Variants in CACNA2D3 observed in about 807,000 individuals in gnomAD.
CACNA2D3 encodes calcium voltage-gated channel auxiliary subunit alpha2delta 3.
Under a neutral mutation model 160.6 loss-of-function variants are expected in CACNA2D3, and 60 were observed. The ratio of observed to expected loss-of-function variants is 0.37; its 90% CI spans 0.30 to 0.46. CACNA2D3 has a LOEUF of 0.46. CACNA2D3 is among the 20% of genes least tolerant of loss of function. The probability of loss-of-function intolerance (pLI) is 1.00; values close to 1 mark genes in which losing one functional copy is unlikely to be tolerated. For missense variants in CACNA2D3, 1,205 were observed against 1,365.0 expected (o/e 0.88, Z 1.85); for synonymous variants, 558 against 492.9 (o/e 1.13, Z -1.75).
intron 35 of CACNA2D3, among the ~76,000 whole-genome samples, chr3:55,060,024 G>C (rs893140994): frequency 3.9e-5 from 6 of 151,982 alleles, no homozygotes; most frequent in African/African-American, 1.2e-4. Flanking sequence ...GGCAATATTT[G>C]GGTGCAAAAA....
At chr3:55,067,297 G>A (rs112348768) in intron 35 of CACNA2D3, among the ~76,000 whole-genome samples, 18 of 152,162 alleles carry the variant, frequency 1.2e-4, no homozygotes, top group African/African-American at 2.4e-4. Context: ...GTTCCAGCAC[G>A]AGACAGACAG....
chr3:54,838,750 G>T, intron 16 of CACNA2D3, 102 bp downstream of exon 16: 1 of 856,046 alleles, frequency 1.2e-6, no homozygotes. Flanking sequence ...CGATGTTTTT[G>T]CTCACCACTA....
chr3:54,508,653 C>T lies in CACNA2D3; in HGVS notation c.544+4999C>T, dbSNP rs1470779970. 3.9e-5 allele frequency among the ~76,000 whole-genome samples: 6 copies of T among 152,318 alleles called. No homozygotes were observed. In the East Asian group the frequency reaches 5.8e-4, roughly 15 times the overall value. ...TCAATTCCTCTTCTTCCCCCAGTAA[C>T]GGAGGACATCCGGGAGAGGTAGGCT... On this transcript the variant is annotated intron_variant, in intron 5 of 37. Transcript: ENST00000474759.
intron 9 of CACNA2D3, among the ~76,000 whole-genome samples, chr3:54,626,944 A>G (rs1385597743): frequency 1.3e-5 from 2 of 152,134 alleles, no homozygotes; most frequent in African/African-American, 4.8e-5. Context: ...ATCTCTAGCT[A>G]ATGCTGAGCT....
At chr3:54,909,643 A>ACT (rs1700516131) in intron 27 of CACNA2D3, among the ~76,000 whole-genome samples, 1 of 123,856 alleles carries the variant, frequency 8.1e-6, no homozygotes, top group African/African-American at 3.0e-5. Context: ...TTTTTTTGTG[A>ACT]TTTTTTTTTT....
In CACNA2D3 at chr3:54,609,728, T is replaced by G. The variant is rs1043176479; in HGVS notation, c.964-18059T>G. The stretch of plus-strand genomic sequence containing the variant: ...CTTCTCAGAGCTTTTAAAATGCTTG[T>G]GTATATTGTGACTCTCTCCAAGAGT... On this transcript the variant is annotated intron_variant, in intron 9 of 37. Coordinates refer to ENST00000474759, the MANE Select transcript of CACNA2D3 (RefSeq NM_018398.3). Among the ~76,000 whole-genome samples, 83 of 152,238 alleles carry G rather than the reference T, an allele frequency of 5.5e-4. 1 individual carries two copies. The highest frequency in any genetic ancestry group is 2.0e-3 in the African/African-American group (83 of 41,456).
rs374774595 is a variant in CACNA2D3 at position 54,772,176 on chromosome 3, C to A, written c.1380+7825C>A. 1.3e-4 allele frequency among the ~76,000 whole-genome samples: 19 copies of A among 148,132 alleles called. 1 individual carries two copies. The highest frequency in any genetic ancestry group is 4.5e-4 in the African/African-American group (18 of 39,902). On this transcript the variant is annotated intron_variant, in intron 13 of 37. Coordinates refer to ENST00000474759, the MANE Select transcript of CACNA2D3 (RefSeq NM_018398.3). ...ATCTAGTATGTTTGGACACTTGTAC[C>A]CAAAAGATGGCTTAATATGGTCTGA...
At chr3:54,976,677 G>A (rs1702398676) in intron 29 of CACNA2D3, among the ~76,000 whole-genome samples, 1 of 152,132 alleles carries the variant, frequency 6.6e-6, no homozygotes, top group Non-Finnish European at 1.5e-5. Flanking sequence ...ACTTCTTTGT[G>A]TGATAGTTTT....
intron 26 of CACNA2D3, among the ~76,000 whole-genome samples, chr3:54,898,140 TTTTCTTTC>T (rs200890041): frequency 7.2e-4 from 90 of 124,480 alleles, no homozygotes; most frequent in African/African-American, 2.5e-3. Context: ...TCTTTTTCTT[TTTTCTTTC>T]TTTCTTTCTT....
chr3:54,927,277 AAG>A lies in CACNA2D3; in HGVS notation c.2449+27414_2449+27415del, dbSNP rs143406262. Among the ~76,000 whole-genome samples the A allele has an allele frequency of 1.1e-3, 165 of 152,246 alleles. 1 individual carries two copies. Among genetic ancestry groups the A allele is most frequent in the Admixed American group, 1.8e-3 (28 of 15,304 alleles). On this transcript the variant is annotated intron_variant, in intron 27 of 37. Coordinates refer to ENST00000474759, the MANE Select transcript of CACNA2D3 (RefSeq NM_018398.3). ...GGAAGATGTTTAGAGAGCCTTCTGAAAGAGAGTCTTCTCAGTTTAATTTAGTT... is the reference window on the plus strand; with the variant it reads ...GGAAGATGTTTAGAGAGCCTTCTGAAAGAGTCTTCTCAGTTTAATTTAGTT...
chr3:54,840,172 G>A (rs753931549), intron 16 of CACNA2D3, among the ~76,000 whole-genome samples: 4 of 151,982 alleles, frequency 2.6e-5, no homozygotes, highest in African/African-American at 4.8e-5. Flanking sequence ...TACTTGATAC[G>A]TGTCCAATAA....
intron 4 of CACNA2D3, among the ~76,000 whole-genome samples, chr3:54,402,863 C>T (rs773370666): frequency 2.0e-5 from 3 of 152,054 alleles, no homozygotes; most frequent in South Asian, 2.1e-4. Flanking sequence ...TTCTCCAGGA[C>T]GAACCATATG....
chr3:54,391,125 G>A (rs1427348335), intron 4 of CACNA2D3, among the ~76,000 whole-genome samples: 1 of 152,174 alleles, frequency 6.6e-6, no homozygotes, highest in African/African-American at 2.4e-5. Context: ...TCTCGCTTTA[G>A]ACTGGAGACG....
chr3:54,722,146 T>C (rs1035475873), intron 11 of CACNA2D3, among the ~76,000 whole-genome samples: 3 of 152,226 alleles, frequency 2.0e-5, no homozygotes, highest in Non-Finnish European at 4.4e-5. Context: ...TCTTCTTGCT[T>C]TATTTCATTA....
intron 2 of CACNA2D3, among the ~76,000 whole-genome samples, chr3:54,191,402 ATC>A (rs2107336932): frequency 1.1e-5 from 1 of 91,048 alleles, no homozygotes; most frequent in East Asian, 6.6e-4. Context: ...CATCAACATC[ATC>A]ATCATCATCA....
chr3:54,183,161 G>A (rs965994599), intron 2 of CACNA2D3, among the ~76,000 whole-genome samples: 2 of 151,802 alleles, frequency 1.3e-5, no homozygotes, highest in Admixed American at 6.6e-5. Context: ...CACAATTACC[G>A]GTGGTTAAGA....
At chr3:54,721,385 T>C (rs1701166405) in intron 11 of CACNA2D3, among the ~76,000 whole-genome samples, 1 of 152,220 alleles carries the variant, frequency 6.6e-6, no homozygotes, top group Non-Finnish European at 1.5e-5. Context: ...TCTGAAAATA[T>C]TTTAATTTTG....
intron 4 of CACNA2D3, among the ~76,000 whole-genome samples, chr3:54,400,998 G>GA (rs1237716098): frequency 6.6e-6 from 1 of 151,418 alleles, no homozygotes; most frequent in Non-Finnish European, 1.5e-5. Flanking sequence ...AGTGAAATCA[G>GA]AAAAAAAATT....
intron 2 of CACNA2D3, among the ~76,000 whole-genome samples, chr3:54,125,072 A>C (rs532620280): frequency 2.4e-4 from 36 of 152,322 alleles, no homozygotes; most frequent in Admixed American, 5.2e-4. Flanking sequence ...TAAAGAAGAT[A>C]ACATTTTGTA....
Sources: allele counts gnomAD v4.1 joint callset (sites outside exome capture counted in the v4.1 genomes callset), GRCh38; gene constraint gnomAD v4.1.1; transcripts MANE v1.5; gene names NCBI Gene and HGNC (gene_info 2026-07-23, HGNC 2026-07-21).